INSL6: variants seen among roughly 807,000 people sequenced by gnomAD.
The protein encoded by INSL6 is insulin like 6.
Under a neutral mutation model 9.4 loss-of-function variants are expected in INSL6, and 16 were observed. That is an observed-to-expected ratio of 1.70 (90% CI 1.15 to 2.59). The LOEUF (loss-of-function observed/expected upper bound fraction) is 2.59. Among genes scored for constraint, INSL6 ranks in the 30% most tolerant of loss-of-function variants. The pLI, the probability that INSL6 is intolerant of heterozygous loss-of-function variation, is 0.00. For missense variants in INSL6, 391 were observed against 257.3 expected (o/e 1.52, Z -3.56); for synonymous variants, 154 against 96.9 (o/e 1.59, Z -3.46).
In INSL6 at chr9:5,145,339, C is replaced by G. The variant is rs182466040; in HGVS notation, c.377-11747G>C. The stretch of plus-strand genomic sequence containing the variant: ...ACTGAGAGGTCCACTGATAGTAAGA[C>G]AGACTTCCCTTTATAGGTGACCTGG... On this transcript the variant is annotated intron_variant, in intron 2 of 3. Transcript: ENST00000649639. 7.6e-4 allele frequency among the ~76,000 whole-genome samples: 115 copies of G among 152,268 alleles called. 1 individual carries two copies. The highest frequency in any genetic ancestry group is 1.6e-3 in the Admixed American group (24 of 15,294).
At chr9:5,098,395 G>C in the INSL6 span, 4 of 152,112 alleles carry the variant, frequency 2.6e-5, no homozygotes, top group African/African-American at 9.7e-5. Flanking sequence ...TATCATAGAA[G>C]AACCGCTCAC....
chr9:5,045,551 C>T, the INSL6 span, among the ~76,000 whole-genome samples: 11 of 152,278 alleles, frequency 7.2e-5, no homozygotes, highest in East Asian at 2.1e-3. Context: ...AAACTTCATA[C>T]CCATTAAATA....
intron 2 of INSL6, among the ~76,000 whole-genome samples, chr9:5,136,472 A>G (rs1264087536): frequency 6.6e-6 from 1 of 152,218 alleles, no homozygotes; most frequent in Admixed American, 6.5e-5. Flanking sequence ...CAACATACTC[A>G]AATCAATAAA....
the INSL6 span, chr9:5,054,639 T>A: frequency 6.2e-7 from 1 of 1,613,254 alleles, no homozygotes; most frequent in Admixed American, 1.7e-5. The surrounding 1 kb of genome is among the most constrained non-coding windows in gnomAD (Gnocchi z 4.9). Flanking sequence ...GCGAATAAGG[T>A]ACAGATTTCG....
At chr9:5,038,614 G>A in the INSL6 span, among the ~76,000 whole-genome samples, 3 of 122,680 alleles carry the variant, frequency 2.4e-5, no homozygotes, top group African/African-American at 9.0e-5. Flanking sequence ...TTTTTTTTTT[G>A]GATTTTAGAA....
chr9:5,089,747 A>G, the INSL6 span: 1 of 1,584,760 alleles, frequency 6.3e-7, no homozygotes, highest in Non-Finnish European at 8.6e-7. Flanking sequence ...GTCGCTGTAA[A>G]AAAGCTTCAG....
At chr9:5,034,645 A>G in the INSL6 span, among the ~76,000 whole-genome samples, 2 of 152,102 alleles carry the variant, frequency 1.3e-5, no homozygotes, top group Non-Finnish European at 2.9e-5. Context: ...ACTACTGGGT[A>G]CATAACGAAA....
the INSL6 span, among the ~76,000 whole-genome samples, chr9:5,005,853 A>G: frequency 2.6e-5 from 4 of 152,168 alleles, no homozygotes; most frequent in African/African-American, 9.7e-5. Flanking sequence ...ATTGATCTAT[A>G]TCTCTGTTTT....
the INSL6 span, among the ~76,000 whole-genome samples, chr9:5,052,258 A>G: frequency 6.6e-6 from 1 of 152,094 alleles, no homozygotes; most frequent in African/African-American, 2.4e-5. Context: ...AGTTTCTTCC[A>G]GTTTGAGAAT....
At chr9:5,175,239 C>T (rs1005858387) in intron 1 of INSL6, among the ~76,000 whole-genome samples, 1 of 152,112 alleles carries the variant, frequency 6.6e-6, no homozygotes, top group African/African-American at 2.4e-5. Flanking sequence ...CGCGTCTGGC[C>T]ATGGAGTCAT....
intron 1 of INSL6, among the ~76,000 whole-genome samples, chr9:5,183,337 CTG>C (rs1825499230): frequency 1.3e-5 from 2 of 152,142 alleles, no homozygotes; most frequent in Admixed American, 6.5e-5. Flanking sequence ...CTTCAGCAAA[CTG>C]TCTTTTACAT....
the INSL6 span, chr9:5,069,995 G>T: frequency 3.1e-6 from 5 of 1,608,150 alleles, no homozygotes; most frequent in South Asian, 3.3e-5. Flanking sequence ...CATTACAGAG[G>T]CCTACTCATA....
intron 1 of INSL6, among the ~76,000 whole-genome samples, chr9:5,165,662 C>A (rs1388904034): frequency 6.6e-6 from 1 of 152,050 alleles, no homozygotes; most frequent in Non-Finnish European, 1.5e-5. Flanking sequence ...CCATTTTGTT[C>A]TTTATTAAAA....
At chr9:5,101,395 G>A in the INSL6 span, among the ~76,000 whole-genome samples, 1 of 152,276 alleles carries the variant, frequency 6.6e-6, no homozygotes, top group Admixed American at 6.5e-5. Flanking sequence ...CGAACTGGGT[G>A]GAGCCCACCA....
intron 1 of INSL6, among the ~76,000 whole-genome samples, chr9:5,172,488 C>A (rs1825204974): frequency 6.6e-6 from 1 of 152,176 alleles, no homozygotes; most frequent in Admixed American, 6.5e-5. Context: ...AGAACTTCTG[C>A]ACAGCAAAAG....
chr9:5,156,011 T>C (rs1824809103), intron 2 of INSL6, among the ~76,000 whole-genome samples: 1 of 151,860 alleles, frequency 6.6e-6, no homozygotes, highest in East Asian at 1.9e-4. Context: ...TCAAAATCAG[T>C]AATAAAAAAA....
the INSL6 span, among the ~76,000 whole-genome samples, chr9:4,999,333 T>C: frequency 2.0e-5 from 3 of 152,238 alleles, no homozygotes; most frequent in Non-Finnish European, 4.4e-5. Flanking sequence ...CTTATTTGCA[T>C]GTATTTTATA....
chr9:5,011,927 A>T, the INSL6 span, among the ~76,000 whole-genome samples: 1 of 152,172 alleles, frequency 6.6e-6, no homozygotes. Flanking sequence ...AAAGCCTGAG[A>T]TATTTACCAG....
At chr9:5,094,464 C>A in the INSL6 span, 5 of 152,220 alleles carry the variant, frequency 3.3e-5, no homozygotes, top group African/African-American at 4.8e-5. Flanking sequence ...ATGTACTGAT[C>A]GGCACACTAC....
Sources: allele counts gnomAD v4.1 joint callset (sites outside exome capture counted in the v4.1 genomes callset), GRCh38; gene constraint gnomAD v4.1.1; non-coding constraint Gnocchi (gnomAD v3.1); transcripts MANE v1.5; gene names NCBI Gene and HGNC (gene_info 2026-07-23, HGNC 2026-07-21).